The following SNX24 variants were observed in gnomAD, a reference collection of about 807,000 sequenced individuals.
SNX24 encodes sorting nexin 24.
In SNX24, 22 loss-of-function variants were observed where a neutral mutation model predicts 28.7. The observed-to-expected ratio is 0.77, with a 90% CI of 0.55 to 1.10. SNX24 has a LOEUF of 1.10. SNX24 is among the 50% of genes least tolerant of loss of function. The pLI is 0.00. For synonymous variants in SNX24, 69 were observed against 71.5 expected (o/e 0.96, Z 0.18); for missense variants, 221 against 201.1 (o/e 1.10, Z -0.60).
At chr5:122,932,145 G>C (rs1758982882) in intron 1 of SNX24, among the ~76,000 whole-genome samples, 2 of 152,060 alleles carry the variant, frequency 1.3e-5, no homozygotes, top group African/African-American at 4.8e-5. Context: ...TTTTCAATTT[G>C]AATTCTATTG....
chr5:122,856,318 G>T (rs1755188140), intron 1 of SNX24, among the ~76,000 whole-genome samples: 2 of 152,026 alleles, frequency 1.3e-5, no homozygotes, highest in Non-Finnish European at 2.9e-5. Flanking sequence ...TTTCTTTATG[G>T]CTGCACAGTA....
intron 1 of SNX24, among the ~76,000 whole-genome samples, chr5:122,854,368 C>T (rs1222014590): frequency 2.6e-5 from 4 of 151,738 alleles, no homozygotes; most frequent in Non-Finnish European, 5.9e-5. Context: ...ATTAGCTGGG[C>T]GTGGTGGCGG....
intron 4 of SNX24, 114 bp from the exon 5 acceptor site, chr5:123,001,291 A>C: frequency 1.4e-6 from 1 of 727,624 alleles, no homozygotes; most frequent in Non-Finnish European, 2.4e-6. Flanking sequence ...CTCTTTTAAA[A>C]AATAACTACC....
chr5:122,903,561 T>C (rs945789486), intron 1 of SNX24, among the ~76,000 whole-genome samples: 7 of 152,324 alleles, frequency 4.6e-5, no homozygotes, highest in African/African-American at 1.7e-4. Context: ...AATTATCTCC[T>C]GTGGACTGGG....
chr5:123,012,256 T>C (rs1762597785), downstream of SNX24, among the ~76,000 whole-genome samples: 2 of 152,312 alleles, frequency 1.3e-5, no homozygotes, highest in African/African-American at 2.4e-5. Flanking sequence ...GACTAATACA[T>C]ATATTCATGT....
intron 3 of SNX24, among the ~76,000 whole-genome samples, chr5:122,964,922 T>A (rs1199538437): frequency 6.6e-6 from 1 of 152,196 alleles, no homozygotes; most frequent in East Asian, 1.9e-4. Flanking sequence ...TATTTAACAG[T>A]CTGCTATTGA....
chr5:122,915,288 C>T (rs887829408), intron 1 of SNX24, among the ~76,000 whole-genome samples: 6 of 152,114 alleles, frequency 3.9e-5, no homozygotes, highest in African/African-American at 1.2e-4. Context: ...TCCATCTTCC[C>T]TATTCACCCT....
At chr5:122,846,936 A>G (rs1434311368) in intron 1 of SNX24, among the ~76,000 whole-genome samples, 2 of 150,894 alleles carry the variant, frequency 1.3e-5, no homozygotes, top group African/African-American at 4.9e-5. Context: ...CAAACAAACA[A>G]ACCCTCGAGT....
chr5:123,024,645 G>A (rs563106657), intron 5 of SNX24, among the ~76,000 whole-genome samples: 11 of 152,208 alleles, frequency 7.2e-5, no homozygotes, highest in Non-Finnish European at 1.3e-4. Flanking sequence ...AAGAAAGTAG[G>A]TTTTTGGTGG....
chr5:122,943,021 C>A (rs1759527498), intron 2 of SNX24, among the ~76,000 whole-genome samples: 2 of 152,032 alleles, frequency 1.3e-5, no homozygotes, highest in South Asian at 4.1e-4. Flanking sequence ...TTCAATAGTT[C>A]AAAAGGAAGT....
downstream of SNX24, among the ~76,000 whole-genome samples, chr5:123,009,591 TC>T (rs1285022658): frequency 2.0e-5 from 3 of 152,206 alleles, no homozygotes; most frequent in Admixed American, 2.0e-4. Context: ...GAGGCACACC[TC>T]ACAAGAGTGG....
chr5:122,935,021 T>TAGGTAGAG (rs1263338704), intron 1 of SNX24, among the ~76,000 whole-genome samples: 1 of 152,154 alleles, frequency 6.6e-6, no homozygotes, highest in African/African-American at 2.4e-5. Context: ...GGTGAGCAAG[T>TAGGTAGAG]AGGTAGAGCC....
At chr5:122,940,759 A>G (rs42246) in intron 2 of SNX24, among the ~76,000 whole-genome samples, 117,001 of 152,036 alleles carry the variant, frequency 0.77, 45,884 homozygotes, top group East Asian at 0.99. Context: ...TTTTAGTAGA[A>G]ACAGGGTTTC....
intron 5 of SNX24, chr5:123,026,004 T>C: frequency 1.9e-6 from 3 of 1,544,104 alleles, no homozygotes; most frequent in Non-Finnish European, 2.6e-6. Context: ...AACAGATGTC[T>C]TCCAAAAGTC....
intron 1 of SNX24, among the ~76,000 whole-genome samples, chr5:122,860,889 C>A (rs143687808): frequency 0.035 from 5,285 of 152,114 alleles, 249 homozygotes; most frequent in African/African-American, 0.11. Flanking sequence ...AGCCACTGCG[C>A]CCGGCCAAGA....
intron 3 of SNX24, among the ~76,000 whole-genome samples, chr5:122,986,895 C>A (rs1018594486): frequency 2.0e-5 from 3 of 151,704 alleles, no homozygotes; most frequent in African/African-American, 7.3e-5. Context: ...ATGGATGGGA[C>A]TAGTGAATAA....
At chr5:122,957,848 T>G (rs1415726555) in intron 3 of SNX24, among the ~76,000 whole-genome samples, 1 of 152,240 alleles carries the variant, frequency 6.6e-6, no homozygotes, top group Non-Finnish European at 1.5e-5. Flanking sequence ...TATATCAAAA[T>G]GTAATTGATT....
Position 122,934,794 on chromosome 5 carries a change from T to G in SNX24, c.61-1940T>G, listed in dbSNP as rs1257710449. Among the ~76,000 whole-genome samples, 3 of 152,230 alleles carry G rather than the reference T, an allele frequency of 2.0e-5. No individual in the cohort carries two copies. In the East Asian group the frequency reaches 5.8e-4, roughly 29 times the overall value. ...TAGGCATATTGTGTGTTTTTTCAACTGTAACATTATAAAATATAAGAATTA... is the reference window on the plus strand; with the variant it reads ...TAGGCATATTGTGTGTTTTTTCAACGGTAACATTATAAAATATAAGAATTA... On this transcript the variant is annotated intron_variant, in intron 1 of 6. Transcript: ENST00000261369.
chr5:122,965,066 GCAAGT>G (rs1760662591), intron 3 of SNX24, among the ~76,000 whole-genome samples: 1 of 152,166 alleles, frequency 6.6e-6, no homozygotes, highest in African/African-American at 2.4e-5. Context: ...TGCAAACTAA[GCAAGT>G]CAAGAGTGAG....
Sources: gnomAD v4.1 joint callset for allele counts (sites outside exome capture counted in the v4.1 genomes callset) on GRCh38, gnomAD v4.1.1 for gene constraint, MANE v1.5 for transcripts, NCBI Gene and HGNC (gene_info 2026-07-23, HGNC 2026-07-21) for gene names.